Variants in DCC observed in about 807,000 individuals in gnomAD.
DCC encodes netrin receptor DCC.
DCC carries 58 observed loss-of-function variants against 172.5 expected under a neutral mutation model. That is an observed-to-expected ratio of 0.34 (90% CI 0.27 to 0.42). The LOEUF (loss-of-function observed/expected upper bound fraction) is 0.42. DCC is among the 10% of genes least tolerant of loss of function. The probability of loss-of-function intolerance (pLI) is 1.00; values close to 1 mark genes in which losing one functional copy is unlikely to be tolerated. For synonymous variants in DCC, 709 were observed against 644.5 expected (o/e 1.10, Z -1.52); for missense variants, 1,740 against 1,791.0 (o/e 0.97, Z 0.51).
intron 1 of DCC, among the ~76,000 whole-genome samples, chr18:52,561,731 T>G (rs2033044076): frequency 6.6e-6 from 1 of 152,148 alleles, no homozygotes; most frequent in Non-Finnish European, 1.5e-5. Context: ...ATGGTGATAT[T>G]CACTTCGCGG....
intron 11 of DCC, among the ~76,000 whole-genome samples, chr18:53,211,641 G>A (rs936777789): frequency 3.3e-5 from 5 of 151,602 alleles, no homozygotes; most frequent in African/African-American, 4.8e-5. Context: ...GGAGAATGGC[G>A]TGAACCCAGG....
intron 7 of DCC, among the ~76,000 whole-genome samples, chr18:53,135,351 A>G (rs560064170): frequency 2.0e-5 from 3 of 152,322 alleles, no homozygotes; most frequent in African/African-American, 7.2e-5. Flanking sequence ...TTCATCACAC[A>G]AATAAATTTT....
intron 2 of DCC, among the ~76,000 whole-genome samples, chr18:52,877,433 G>A (rs2039419929): frequency 6.6e-6 from 1 of 152,132 alleles, no homozygotes; most frequent in Non-Finnish European, 1.5e-5. Flanking sequence ...TTTCGGCAAG[G>A]TGCAGTGCCT....
chr18:52,562,661 C>G (rs140771517), intron 1 of DCC, among the ~76,000 whole-genome samples: 1 of 151,684 alleles, frequency 6.6e-6, no homozygotes, highest in Admixed American at 6.6e-5. Flanking sequence ...GATTTATATA[C>G]GAGTATGATT....
chr18:52,944,505 T>C (rs762615854), intron 5 of DCC, among the ~76,000 whole-genome samples: 2 of 152,184 alleles, frequency 1.3e-5, no homozygotes, highest in Non-Finnish European at 2.9e-5. Flanking sequence ...TTTAAGAGTT[T>C]TACAAGCAAA....
At chr18:52,986,761 G>GTATATATA (rs1048854215) in intron 5 of DCC, among the ~76,000 whole-genome samples, 1 of 148,502 alleles carries the variant, frequency 6.7e-6, no homozygotes, top group Non-Finnish European at 1.5e-5. Context: ...CACACGTGTA[G>GTATATATA]TATATATATA....
chr18:52,964,644 T>C (rs1056716046), intron 5 of DCC, among the ~76,000 whole-genome samples: 8 of 152,164 alleles, frequency 5.3e-5, no homozygotes, highest in Admixed American at 1.3e-4. Context: ...TTCTTAAATG[T>C]TTAGGTCATT....
At chr18:52,716,261 G>A (rs1047102300) in intron 1 of DCC, among the ~76,000 whole-genome samples, 9 of 152,206 alleles carry the variant, frequency 5.9e-5, no homozygotes, top group African/African-American at 1.7e-4. Flanking sequence ...AATCTGGCAC[G>A]TTGGCGGTTT....
chr18:53,175,528 C>T (rs1598876363), intron 8 of DCC, among the ~76,000 whole-genome samples: 1 of 148,766 alleles, frequency 6.7e-6, no homozygotes, highest in African/African-American at 2.4e-5. Context: ...TCTTATACAC[C>T]AACAACAGAC....
At chr18:52,569,897 T>C (rs995297180) in intron 1 of DCC, among the ~76,000 whole-genome samples, 3 of 152,224 alleles carry the variant, frequency 2.0e-5, no homozygotes, top group African/African-American at 7.2e-5. Context: ...TTGAATTATA[T>C]ATATGTATAC....
chr18:52,928,349 G>A (rs1568193126), intron 5 of DCC, among the ~76,000 whole-genome samples: 1 of 152,004 alleles, frequency 6.6e-6, no homozygotes, highest in Non-Finnish European at 1.5e-5. Context: ...CTTATTACCT[G>A]GATGACAAAA....
At chr18:52,718,589 G>T (rs1264898482) in intron 1 of DCC, among the ~76,000 whole-genome samples, 1 of 152,160 alleles carries the variant, frequency 6.6e-6, no homozygotes, top group Non-Finnish European at 1.5e-5. Flanking sequence ...TAAAAGCCCT[G>T]CCTCCGTGTG....
chr18:52,354,463 G>C (rs548886721), intron 1 of DCC, among the ~76,000 whole-genome samples: 1 of 152,158 alleles, frequency 6.6e-6, no homozygotes, highest in Non-Finnish European at 1.5e-5. Context: ...CTCTAATCTT[G>C]TGGCAAAGTC....
intron 21 of DCC, among the ~76,000 whole-genome samples, chr18:53,434,597 G>T (rs1189330663): frequency 6.6e-6 from 1 of 152,128 alleles, no homozygotes; most frequent in Non-Finnish European, 1.5e-5. Context: ...CAGACCATAT[G>T]GTTTGTGACA....
chr18:52,549,531 G>A (rs1344143049), intron 1 of DCC, among the ~76,000 whole-genome samples: 1 of 151,992 alleles, frequency 6.6e-6, no homozygotes, highest in Non-Finnish European at 1.5e-5. Context: ...TCCTCCACAC[G>A]GTGAACCAGT....
Position 53,045,401 on chromosome 18 carries a change from T to C in DCC, c.986-17904T>C, listed in dbSNP as rs553998385. Among the ~76,000 whole-genome samples the C allele has an allele frequency of 6.6e-5, 10 of 151,970 alleles. No homozygotes were observed. In the South Asian group the frequency reaches 1.7e-3, roughly 25 times the overall value. On this transcript the variant is annotated intron_variant, in intron 5 of 28. Coordinates refer to ENST00000442544, the MANE Select transcript of DCC (RefSeq NM_005215.4). ...ATAGAGGAGAGGAAGAAGTGTTTCC[T>C]TGAGGCTTGAAGAGTATTAGTCACA...
intron 17 of DCC, among the ~76,000 whole-genome samples, chr18:53,397,074 A>G (rs1908996689): frequency 6.6e-6 from 1 of 151,442 alleles, no homozygotes; most frequent in South Asian, 2.1e-4. Flanking sequence ...TCTATCTAGT[A>G]GCCCCTTTGG....
chr18:53,219,839 G>C (rs2055904214), intron 12 of DCC, among the ~76,000 whole-genome samples: 2 of 152,132 alleles, frequency 1.3e-5, no homozygotes, highest in African/African-American at 4.8e-5. Flanking sequence ...AGAACAGCAA[G>C]TTTCTACTCT....
At chr18:53,351,291 G>GTA (rs147758557) in intron 15 of DCC, among the ~76,000 whole-genome samples, 2,270 of 34,386 alleles carry the variant, frequency 0.066, 184 homozygotes, top group African/African-American at 0.09. Flanking sequence ...ATTGAGTACA[G>GTA]TATATATATA....
Sources: allele counts gnomAD v4.1 joint callset (sites outside exome capture counted in the v4.1 genomes callset), GRCh38; gene constraint gnomAD v4.1.1; transcripts MANE v1.5; gene names NCBI Gene and HGNC (gene_info 2026-07-23, HGNC 2026-07-21).